The following DCLK1 variants were observed in gnomAD, a reference collection of about 807,000 sequenced individuals.
DCLK1 encodes the protein doublecortin like kinase 1, also known as serine/threonine-protein kinase DCLK1.
In DCLK1, 16 loss-of-function variants were observed where a neutral mutation model predicts 86.2. The ratio of observed to expected loss-of-function variants is 0.19; its 90% CI spans 0.13 to 0.28. DCLK1 has a LOEUF of 0.28. Ranked by LOEUF, DCLK1 falls within the 10% of genes least tolerant of loss-of-function variation. The pLI, the probability that DCLK1 is intolerant of heterozygous loss-of-function variation, is 1.00. For missense variants in DCLK1, 590 were observed against 940.2 expected, an observed-to-expected ratio of 0.63 and a Z score of 4.87; for synonymous variants, 369 against 370.5, an observed-to-expected ratio of 1.00 and a Z score of 0.05.
chr13:35,812,353 T>A (rs1198868086), intron 11 of DCLK1, among the ~76,000 whole-genome samples: 1 of 152,184 alleles, frequency 6.6e-6, no homozygotes, highest in Non-Finnish European at 1.5e-5. Flanking sequence ...CAGCTAAGTT[T>A]TCCATGTACA....
At chr13:36,007,222 T>A (rs918560932) in intron 3 of DCLK1, among the ~76,000 whole-genome samples, 1 of 152,140 alleles carries the variant, frequency 6.6e-6, no homozygotes, top group African/African-American at 2.4e-5. Context: ...GGGAACAGCC[T>A]CAAACACCTG....
intron 4 of DCLK1, among the ~76,000 whole-genome samples, chr13:35,932,021 C>T (rs1876463439): frequency 6.6e-6 from 1 of 152,094 alleles, no homozygotes; most frequent in South Asian, 2.1e-4. Context: ...CCACAGGGTG[C>T]CCAGATTAAA....
intron 3 of DCLK1, among the ~76,000 whole-genome samples, chr13:36,062,496 C>A (rs185458663): frequency 6.6e-6 from 1 of 152,312 alleles, no homozygotes; most frequent in African/African-American, 2.4e-5. Context: ...TCGGCCTAAG[C>A]AGTTTCTGGT....
At chr13:35,958,157 A>AACCACCACCACC (rs1254821289) in intron 3 of DCLK1, among the ~76,000 whole-genome samples, 2 of 24,944 alleles carry the variant, frequency 8.0e-5, no homozygotes, top group African/African-American at 6.1e-4. Context: ...CCACCACTAT[A>AACCACCACCACC]ACCATCACCA....
intron 3 of DCLK1, among the ~76,000 whole-genome samples, chr13:36,093,168 T>C (rs1884898235): frequency 6.6e-6 from 1 of 152,338 alleles, no homozygotes; most frequent in African/African-American, 2.4e-5. Context: ...ATGTAACTGG[T>C]CCTATAATTG....
chr13:35,994,535 C>T (rs1880389492), intron 3 of DCLK1, among the ~76,000 whole-genome samples: 1 of 152,102 alleles, frequency 6.6e-6, no homozygotes, highest in Admixed American at 6.6e-5. Flanking sequence ...AGACAGTTTG[C>T]CCCTGGTAAT....
chr13:35,951,598 A>G (rs1192329846), intron 3 of DCLK1, among the ~76,000 whole-genome samples: 2 of 151,592 alleles, frequency 1.3e-5, no homozygotes, highest in Non-Finnish European at 2.9e-5. Context: ...CTGAGTGCCC[A>G]TTATTTGCCA....
At chr13:35,853,852 G>A (rs894772882) in intron 6 of DCLK1, among the ~76,000 whole-genome samples, 11 of 152,088 alleles carry the variant, frequency 7.2e-5, no homozygotes, top group African/African-American at 2.7e-4. Context: ...AAGACAAACA[G>A]TACAGGTTGT....
At chr13:35,900,273 C>A (rs965343832) in intron 4 of DCLK1, among the ~76,000 whole-genome samples, 2 of 148,508 alleles carry the variant, frequency 1.3e-5, no homozygotes, top group Admixed American at 1.3e-4. Context: ...CAGAGTCTCG[C>A]TCTGTTGCCC....
At chr13:35,980,111 G>C (rs962212237) in intron 3 of DCLK1, among the ~76,000 whole-genome samples, 1 of 152,120 alleles carries the variant, frequency 6.6e-6, no homozygotes, top group African/African-American at 2.4e-5. Context: ...ACCACCGCTG[G>C]TCTTCAAAAT....
At chr13:36,068,735 T>C (rs1027467337) in intron 3 of DCLK1, among the ~76,000 whole-genome samples, 1 of 152,158 alleles carries the variant, frequency 6.6e-6, no homozygotes, top group African/African-American at 2.4e-5. Context: ...AACTTCTGGA[T>C]TGCTTTAAGA....
At chr13:36,039,056 C>T (rs1025833848) in intron 3 of DCLK1, among the ~76,000 whole-genome samples, 1 of 152,172 alleles carries the variant, frequency 6.6e-6, no homozygotes, top group African/African-American at 2.4e-5. Context: ...ATGAAGAATC[C>T]TATCAAATGT....
At chr13:36,101,711 A>C (rs1429182008) in intron 3 of DCLK1, among the ~76,000 whole-genome samples, 2 of 150,050 alleles carry the variant, frequency 1.3e-5, no homozygotes, top group African/African-American at 4.9e-5. Flanking sequence ...TCCCGGGACC[A>C]CTCTTGGTAC....
chr13:36,112,823 GGTTTTAGAA>G (rs929510730), intron 2 of DCLK1, among the ~76,000 whole-genome samples: 2 of 152,158 alleles, frequency 1.3e-5, no homozygotes, highest in Non-Finnish European at 2.9e-5. Flanking sequence ...ATAAGTAAGA[GGTTTTAGAA>G]GTGTTCAACA....
chr13:35,842,956 T>C (rs1869910008), intron 6 of DCLK1, among the ~76,000 whole-genome samples: 1 of 152,184 alleles, frequency 6.6e-6, no homozygotes, highest in Admixed American at 6.5e-5. Context: ...ACATTTCTAT[T>C]ATTATCCTTA....
intron 2 of DCLK1, among the ~76,000 whole-genome samples, chr13:36,115,705 T>C (rs550662554): frequency 1.2e-4 from 18 of 151,954 alleles, no homozygotes; most frequent in Non-Finnish European, 2.5e-4. Context: ...CTAATCTTTG[T>C]TTTTAAGTAG....
At chr13:36,114,748 A>G (rs1885723258) in intron 2 of DCLK1, among the ~76,000 whole-genome samples, 1 of 152,198 alleles carries the variant, frequency 6.6e-6, no homozygotes, top group Non-Finnish European at 1.5e-5. Context: ...AGTTGGTTGT[A>G]TTTTCTGATT....
intron 4 of DCLK1, among the ~76,000 whole-genome samples, chr13:35,899,969 C>T (rs983804068): frequency 9.9e-5 from 15 of 152,040 alleles, no homozygotes; most frequent in African/African-American, 3.6e-4. Flanking sequence ...GAAACCAAAT[C>T]TATGTACAGC....
intron 3 of DCLK1, among the ~76,000 whole-genome samples, chr13:36,027,311 G>T (rs1043041906): frequency 6.6e-6 from 1 of 152,194 alleles, no homozygotes; most frequent in African/African-American, 2.4e-5. Context: ...TCACACTCCT[G>T]TAAGAATCTA....
Sources: allele counts gnomAD v4.1 joint callset (sites outside exome capture counted in the v4.1 genomes callset), GRCh38; gene constraint gnomAD v4.1.1; transcripts MANE v1.5; gene names NCBI Gene and HGNC (gene_info 2026-07-23, HGNC 2026-07-21).